The following SIRT5 variants were observed in gnomAD, a reference collection of about 807,000 sequenced individuals.
SIRT5 encodes sirtuin 5.
SIRT5 carries 26 observed loss-of-function variants against 40.0 expected under a neutral mutation model. The ratio of observed to expected loss-of-function variants is 0.65; its 90% CI spans 0.48 to 0.90. The LOEUF (loss-of-function observed/expected upper bound fraction) is 0.90, where lower values mean the gene tolerates loss of function less well. SIRT5 is among the 40% of genes least tolerant of loss of function. SIRT5 has a pLI of 0.00. For missense variants in SIRT5, 401 were observed against 402.4 expected, an observed-to-expected ratio of 1.00 and a Z score of 0.03; for synonymous variants, 146 against 149.1, an observed-to-expected ratio of 0.98 and a Z score of 0.15.
Position 13,611,895 on chromosome 6 carries a change from T to C in SIRT5, c.*30T>C. ...CCTGGGGAAGAAAGAAATTACAGTA[T>C]ATCTAAGAACTAGGCCACACGCAGA... On this transcript the variant is annotated 3_prime_UTR_variant, in exon 10 of 10. Coordinates refer to ENST00000606117, the MANE Select transcript of SIRT5 (RefSeq NM_012241.5). 6.2e-7 allele frequency: 1 copy of C among 1,608,600 alleles called. No homozygotes were observed. The highest frequency in any genetic ancestry group is 8.5e-7 in the Non-Finnish European group (1 of 1,175,304).
chr6:13,584,027 AT>A, intron 2 of SIRT5, 48 bp from the exon 3 acceptor site: 1 of 796,058 alleles, frequency 1.3e-6, no homozygotes. Flanking sequence ...ATATATAAAA[AT>A]ATTTGCTGAT....
rs778210608 is a variant in SIRT5, at chr6:13,607,505, G to C, written c.858-4285G>C. On this transcript the variant is annotated intron_variant, in intron 9 of 9. Transcript: ENST00000606117. The surrounding 1 kb of genome is among the most constrained non-coding windows in gnomAD (Gnocchi z 4.0). Reference sequence around the variant, plus strand: ...CAGCTCTATTTTTGCAGTTTATTACGTAATTTTAAATGCAGCAGGATGATT... The same window carrying C: ...CAGCTCTATTTTTGCAGTTTATTACCTAATTTTAAATGCAGCAGGATGATT... Among the ~76,000 whole-genome samples, 9 of 152,028 alleles carry C rather than the reference G, an allele frequency of 5.9e-5. No individual in the cohort carries two copies. Among genetic ancestry groups the C allele is most frequent in the African/African-American group, 9.7e-5 (4 of 41,382 alleles).
intron 9 of SIRT5, among the ~76,000 whole-genome samples, chr6:13,608,509 C>T (rs1158191692): frequency 2.0e-5 from 3 of 151,738 alleles, no homozygotes; most frequent in African/African-American, 7.3e-5. Flanking sequence ...TCCCTTGAGC[C>T]TGGGAGGCAG....
chr6:13,598,825 C>CAAAAAA (rs368964409), intron 7 of SIRT5, among the ~76,000 whole-genome samples: 1 of 47,106 alleles, frequency 2.1e-5, no homozygotes, highest in African/African-American at 8.5e-5. Flanking sequence ...GACTCCGTCT[C>CAAAAAA]AAAAAAAAAA....
intron 1 of SIRT5, among the ~76,000 whole-genome samples, chr6:13,575,304 A>G (rs777540459): frequency 3.4e-4 from 51 of 152,218 alleles, no homozygotes; most frequent in Non-Finnish European, 6.8e-4. Flanking sequence ...AGCCCGGGAA[A>G]GTGATGAACT....
chr6:13,575,179 C>T (rs1758437802), intron 1 of SIRT5, among the ~76,000 whole-genome samples: 1 of 152,122 alleles, frequency 6.6e-6, no homozygotes, highest in South Asian at 2.1e-4. Flanking sequence ...TGGAAGCTGC[C>T]TCTTGGACAC....
intron 6 of SIRT5, among the ~76,000 whole-genome samples, chr6:13,596,695 G>A (rs1277806491): frequency 6.6e-6 from 1 of 152,084 alleles, no homozygotes; most frequent in Non-Finnish European, 1.5e-5. Flanking sequence ...CTGTATTGCC[G>A]AGGGTTGTCT....
At chr6:13,590,066 A>G (rs1471751959) in intron 4 of SIRT5, among the ~76,000 whole-genome samples, 1 of 152,170 alleles carries the variant, frequency 6.6e-6, no homozygotes, top group Non-Finnish European at 1.5e-5. Flanking sequence ...AATGAAATGC[A>G]CATGTGTTCA....
chr6:13,598,825 CAA>C (rs368964409), intron 7 of SIRT5, among the ~76,000 whole-genome samples: 23 of 47,086 alleles, frequency 4.9e-4, no homozygotes, highest in African/African-American at 1.4e-3. Context: ...GACTCCGTCT[CAA>C]AAAAAAAAAA....
chr6:13,598,891 G>A (rs1455153062), intron 7 of SIRT5, 141 bp from the exon 8 acceptor site: 7 of 872,342 alleles, frequency 8.0e-6, no homozygotes, highest in Non-Finnish European at 1.2e-5. Flanking sequence ...GTTTATATAG[G>A]CTGGGAGGGA....
intron 7 of SIRT5, 131 bp from the exon 8 acceptor site, chr6:13,598,901 A>G (rs1584819673): frequency 5.9e-6 from 5 of 846,382 alleles, no homozygotes; most frequent in Non-Finnish European, 5.3e-6. Flanking sequence ...GCTGGGAGGG[A>G]GGGTGTAGGG....
At chr6:13,611,205 G>GTATATATA (rs1307103122) in intron 9 of SIRT5, among the ~76,000 whole-genome samples, 261 of 106,884 alleles carry the variant, frequency 2.4e-3, no homozygotes, top group South Asian at 2.9e-3. Flanking sequence ...ATGTGTGTGT[G>GTATATATA]TGTATATATA....
intron 9 of SIRT5, 122 bp from the exon 10 acceptor site, chr6:13,611,668 A>G (rs184047741): frequency 8.1e-5 from 60 of 737,984 alleles, no homozygotes; most frequent in Non-Finnish European, 4.9e-5. Flanking sequence ...TCATAATACC[A>G]TCTTTATGAG....
intron 6 of SIRT5, 100 bp from the exon 7 acceptor site, chr6:13,596,863 A>G: frequency 1.1e-6 from 1 of 922,410 alleles, no homozygotes; most frequent in Non-Finnish European, 1.6e-6. Flanking sequence ...GGAGTTTTAT[A>G]CCACATACTG....
intron 9 of SIRT5, among the ~76,000 whole-genome samples, chr6:13,610,691 G>A (rs1763718430): frequency 6.6e-6 from 1 of 152,192 alleles, no homozygotes; most frequent in South Asian, 2.1e-4. Flanking sequence ...CCCCATGGCT[G>A]GCAGTAATTC....
At chr6:13,604,275 T>C (rs1026227239) in intron 9 of SIRT5, among the ~76,000 whole-genome samples, 3 of 152,240 alleles carry the variant, frequency 2.0e-5, no homozygotes, top group Non-Finnish European at 2.9e-5. Flanking sequence ...AGCCTCCGTC[T>C]GATTTGTGTT....
intron 5 of SIRT5, among the ~76,000 whole-genome samples, chr6:13,593,783 C>T (rs1473661748): frequency 1.3e-5 from 2 of 152,090 alleles, no homozygotes; most frequent in Admixed American, 6.6e-5. Context: ...AACTTAGACA[C>T]GTTCTTTAGA....
Position 13,596,933 on chromosome 6 carries a change from A to G in SIRT5, c.564-30A>G, listed in dbSNP as rs202194868. 69 of 1,555,064 alleles carry G rather than the reference A, an allele frequency of 4.4e-5. No individual in the cohort carries two copies. In the Middle Eastern group the frequency reaches 8.5e-4, roughly 19 times the overall value. Reference sequence around the variant, plus strand: ...TTTATTTTTTATTATGCCAATAACAATCTTTCTTTTCTAATATTATTTACT... The same window carrying G: ...TTTATTTTTTATTATGCCAATAACAGTCTTTCTTTTCTAATATTATTTACT... On this transcript the variant is annotated intron_variant, in intron 6 of 9. Coordinates refer to ENST00000606117, the MANE Select transcript of SIRT5 (RefSeq NM_012241.5).
At chr6:13,604,170 G>A (rs1726836773) in intron 9 of SIRT5, among the ~76,000 whole-genome samples, 1 of 152,222 alleles carries the variant, frequency 6.6e-6, no homozygotes, top group Admixed American at 6.5e-5. Context: ...TTATATATTT[G>A]AAATAGGTGG....
Sources: gnomAD v4.1 joint callset for allele counts (sites outside exome capture counted in the v4.1 genomes callset) on GRCh38, gnomAD v4.1.1 for gene constraint, Gnocchi (gnomAD v3.1) non-coding constraint, MANE v1.5 for transcripts, NCBI Gene and HGNC (gene_info 2026-07-23, HGNC 2026-07-21) for gene names.